ASCC1: variants seen among roughly 807,000 people sequenced by gnomAD.
ASCC1 encodes the protein activating signal cointegrator 1 complex subunit 1.
A neutral mutation model predicts 46.6 loss-of-function variants in ASCC1; 35 were observed. That is an observed-to-expected ratio of 0.75 (90% CI 0.57 to 0.99). The LOEUF (loss-of-function observed/expected upper bound fraction) is 0.99, where lower values mean the gene tolerates loss of function less well. Among genes scored for constraint, ASCC1 ranks in the 50% least tolerant of loss-of-function variants. The probability of loss-of-function intolerance (pLI) is 0.00; values close to 1 mark genes in which losing one functional copy is unlikely to be tolerated. For synonymous variants in ASCC1, 143 were observed against 146.6 expected, an observed-to-expected ratio of 0.98 and a Z score of 0.18; for missense variants, 376 against 428.7, an observed-to-expected ratio of 0.88 and a Z score of 1.09.
chr10:72,194,767 A>T (rs1338025501), intron 5 of ASCC1, among the ~76,000 whole-genome samples: 2 of 152,038 alleles, frequency 1.3e-5, no homozygotes, highest in South Asian at 4.1e-4. Flanking sequence ...TTTTGAGACA[A>T]GTTTCGCTCT....
chr10:72,111,193 G>A (rs1842883985), intron 9 of ASCC1, among the ~76,000 whole-genome samples: 2 of 151,976 alleles, frequency 1.3e-5, no homozygotes, highest in African/African-American at 4.8e-5. Context: ...TACAATTTAA[G>A]AAATTGGTAT....
chr10:72,172,729 TTA>T (rs1203655412), intron 5 of ASCC1, among the ~76,000 whole-genome samples: 16 of 137,808 alleles, frequency 1.2e-4, no homozygotes, highest in Admixed American at 2.4e-4. Flanking sequence ...TATTTTTATA[TTA>T]TATATATTAC....
At chr10:72,147,629 C>T (rs1847803311) in intron 7 of ASCC1, among the ~76,000 whole-genome samples, 1 of 152,178 alleles carries the variant, frequency 6.6e-6, no homozygotes, top group Non-Finnish European at 1.5e-5. Flanking sequence ...TTAGCATATA[C>T]ACACTGAAAA....
rs1289915117 is a variant in ASCC1, at chr10:72,143,817, TGAAG to T, written c.746+9048_746+9051del. ...AATAGGTTGCAATCTCCTCCTATGA[TGAAG>T]GGTTTCTCAGTTTTTCCCTAATAAA... On this transcript the variant is annotated intron_variant, in intron 7 of 9. Coordinates refer to ENST00000672957, the MANE Select transcript of ASCC1 (RefSeq NM_001198800.3). 2.6e-5 allele frequency among the ~76,000 whole-genome samples: 4 copies of T among 151,718 alleles called. 1 individual carries two copies. Among genetic ancestry groups the T allele is most frequent in the Admixed American group, 2.0e-4 (3 of 15,182 alleles).
intron 4 of ASCC1, among the ~76,000 whole-genome samples, chr10:72,198,025 G>A (rs184995162): frequency 4.1e-4 from 10 of 24,152 alleles, no homozygotes; most frequent in South Asian, 9.7e-4. Context: ...AAAGGGAAGG[G>A]AAGGGAAGGG....
At chr10:72,115,634 A>G (rs16929686) in intron 9 of ASCC1, among the ~76,000 whole-genome samples, 19,592 of 152,194 alleles carry the variant, frequency 0.13, 3,952 homozygotes, top group African/African-American at 0.43. Context: ...CTCTCAGTGC[A>G]GATACTGGGG....
intron 5 of ASCC1, among the ~76,000 whole-genome samples, chr10:72,170,742 G>A (rs1398177439): frequency 1.3e-5 from 2 of 152,002 alleles, no homozygotes; most frequent in East Asian, 3.8e-4. Context: ...ATGCTACAAA[G>A]GATATTACTG....
At chr10:72,142,786 T>C (rs563531199) in intron 7 of ASCC1, among the ~76,000 whole-genome samples, 2 of 152,298 alleles carry the variant, frequency 1.3e-5, no homozygotes, top group South Asian at 2.1e-4. Context: ...CTGTTCCTGA[T>C]ACTTCGTTTC....
rs188193288 is a variant in ASCC1 at position 72,177,357 on chromosome 10, C to T, written c.490-15683G>A. Among the ~76,000 whole-genome samples the T allele has an allele frequency of 2.1e-3, 326 of 152,206 alleles. 2 individuals carry two copies. The highest frequency in any genetic ancestry group is 7.2e-3 in the African/African-American group (297 of 41,514). On this transcript the variant is annotated intron_variant, in intron 5 of 9. Transcript: ENST00000672957. ...GATAACTACAAATCCTACAACTACC[C>T]TTAAACATGAAAAATCCTAAATTAT...
chr10:72,161,260 G>C (rs1849663050), intron 6 of ASCC1, among the ~76,000 whole-genome samples: 1 of 151,080 alleles, frequency 6.6e-6, no homozygotes, highest in African/African-American at 2.4e-5. Context: ...TATAATGTTT[G>C]AGTTACTGTA....
intron 5 of ASCC1, among the ~76,000 whole-genome samples, chr10:72,193,277 T>C (rs1801318568): frequency 6.6e-6 from 1 of 152,026 alleles, no homozygotes; most frequent in Non-Finnish European, 1.5e-5. Context: ...TTGTAGCATA[T>C]CCATAAAGTA....
In ASCC1 at chr10:72,096,926, T is replaced by C. The variant is rs964508860; in HGVS notation, c.*408A>G. On this transcript the variant is annotated 3_prime_UTR_variant, in exon 10 of 10. Coordinates refer to ENST00000672957, the MANE Select transcript of ASCC1 (RefSeq NM_001198800.3). Reference sequence around the variant, plus strand: ...GCTGGGAGGAGTGGGAATTACTGTTTAATGGGTACAGTTTCCATTTTACAA... The same window carrying C: ...GCTGGGAGGAGTGGGAATTACTGTTCAATGGGTACAGTTTCCATTTTACAA... 5 of 454,104 alleles carry C rather than the reference T, an allele frequency of 1.1e-5. No homozygotes were observed. The highest frequency in any genetic ancestry group is 2.2e-5 in the Non-Finnish European group (5 of 226,916). 28.1% of individuals were successfully genotyped at this position (454,104 alleles called of 1,614,324 possible).
At chr10:72,195,562 T>A (rs1855281738) in intron 5 of ASCC1, among the ~76,000 whole-genome samples, 1 of 149,744 alleles carries the variant, frequency 6.7e-6, no homozygotes, top group African/African-American at 2.5e-5. Context: ...TTATTTTATT[T>A]ATTTTTTTTT....
In ASCC1 at chr10:72,203,472, T is replaced by C; in HGVS notation, c.265A>G (p.Lys89Glu). 1 of 1,613,662 alleles carries C rather than the reference T, an allele frequency of 6.2e-7. No individual in the cohort carries two copies. Among genetic ancestry groups the C allele is most frequent in the South Asian group, 1.1e-5 (1 of 91,072 alleles). ...GGTTTAGGAATGCTAATAGAAGTTT[T>C]GGTCTCCATTTCTATTTTCTTCCTA... ...DTRKKIEMET[K>E]TSISIPKPGQ... Residue 89 changes from lysine to glutamate, a missense_variant, in exon 4 of 10, where the codon AAA (lysine) becomes GAA (glutamate). Coordinates refer to ENST00000672957, the MANE Select transcript of ASCC1 (RefSeq NM_001198800.3).
intron 9 of ASCC1, among the ~76,000 whole-genome samples, chr10:72,127,037 A>G (rs560149897): frequency 6.6e-6 from 1 of 152,350 alleles, no homozygotes; most frequent in Admixed American, 6.5e-5. Flanking sequence ...ATGGGGTCAC[A>G]TTAGGCATTT....
At chr10:72,161,476 T>C in intron 6 of ASCC1, 62 bp downstream of exon 6, 2 of 1,609,030 alleles carry the variant, frequency 1.2e-6, no homozygotes, top group East Asian at 2.2e-5. Flanking sequence ...AACAAGTCTG[T>C]AATACCAAAA....
intron 9 of ASCC1, among the ~76,000 whole-genome samples, chr10:72,117,886 C>T (rs978286388): frequency 2.6e-5 from 4 of 152,170 alleles, no homozygotes; most frequent in South Asian, 4.1e-4. Flanking sequence ...AGAAATATAA[C>T]GTATTAAAAA....
intron 8 of ASCC1, among the ~76,000 whole-genome samples, chr10:72,132,470 A>T (rs1845722614): frequency 6.6e-6 from 1 of 152,244 alleles, no homozygotes; most frequent in African/African-American, 2.4e-5. Flanking sequence ...CTATTATTTT[A>T]ACACAAGGTT....
At chr10:72,152,569 G>A (rs764880197) in intron 7 of ASCC1, among the ~76,000 whole-genome samples, 12 of 152,080 alleles carry the variant, frequency 7.9e-5, no homozygotes, top group Non-Finnish European at 1.5e-4. Flanking sequence ...CAGGGTGCGC[G>A]CCTATAGTCC....
Sources: gnomAD v4.1 joint callset for allele counts (sites outside exome capture counted in the v4.1 genomes callset) on GRCh38, gnomAD v4.1.1 for gene constraint, MANE v1.5 for transcripts, NCBI Gene and HGNC (gene_info 2026-07-23, HGNC 2026-07-21) for gene names.